BCAS3: variants seen among roughly 807,000 people sequenced by gnomAD.
BCAS3 encodes the protein BCAS4/BCAS3 fusion.
A neutral mutation model predicts 116.1 loss-of-function variants in BCAS3; 53 were observed. The ratio of observed to expected loss-of-function variants is 0.46; its 90% CI spans 0.37 to 0.57. BCAS3 has a LOEUF of 0.57. BCAS3 is among the 20% of genes least tolerant of loss of function. The pLI is 0.00. For synonymous variants in BCAS3, 391 were observed against 408.2 expected, an observed-to-expected ratio of 0.96 and a Z score of 0.51; for missense variants, 917 against 1,165.4, an observed-to-expected ratio of 0.79 and a Z score of 3.10.
chr17:60,902,881 A>T (rs1316463182), intron 11 of BCAS3, among the ~76,000 whole-genome samples, 178 bp downstream of exon 11: 4 of 152,258 alleles, frequency 2.6e-5, no homozygotes, highest in African/African-American at 7.2e-5. Flanking sequence ...CATTTGGAAG[A>T]AGCTTTCCAT....
At chr17:60,765,444 T>C (rs571927829) in intron 6 of BCAS3, among the ~76,000 whole-genome samples, 2 of 152,282 alleles carry the variant, frequency 1.3e-5, no homozygotes, top group South Asian at 4.1e-4. Context: ...TCTCCTTCAC[T>C]TATGAAGCTT....
At chr17:60,833,132 G>T (rs1297061427) in intron 7 of BCAS3, among the ~76,000 whole-genome samples, 1 of 152,112 alleles carries the variant, frequency 6.6e-6, no homozygotes, top group Admixed American at 6.5e-5. Flanking sequence ...CTGCCAAACA[G>T]CTGGGATTAC....
rs191306528 is a variant in BCAS3 at position 61,377,562 on chromosome 17, G to A, written c.2593+9068G>A. ...CAATGGGGTAAACCTGTGACCCTGG[G>A]CAAGTGCCTTTCCCTCTCTGGGCCA... is the stretch of plus-strand genomic sequence containing the variant. On this transcript the variant is annotated intron_variant, in intron 23 of 23. Transcript: ENST00000407086. This position sits in a 1 kb window ranked among gnomAD's most constrained non-coding sequence, Gnocchi z 4.6. Among the ~76,000 whole-genome samples the A allele has an allele frequency of 4.9e-3, 749 of 152,312 alleles. 9 individuals are homozygous for A. Among genetic ancestry groups the A allele is most frequent in the African/African-American group, 0.017 (724 of 41,568 alleles).
rs936648049 is a variant in BCAS3 at position 61,363,166 on chromosome 17, G to T, written c.2426-5161G>T. Among the ~76,000 whole-genome samples the T allele has an allele frequency of 2.6e-5, 4 of 152,192 alleles. No individual in the cohort carries two copies. The highest frequency in any genetic ancestry group is 2.0e-4 in the Admixed American group (3 of 15,278). On this transcript the variant is annotated intron_variant, in intron 22 of 23. Coordinates refer to ENST00000407086, the MANE Select transcript of BCAS3 (RefSeq NM_017679.5). The surrounding 1 kb of genome is among the most constrained non-coding windows in gnomAD (Gnocchi z 4.9). ...ACAGGAATGATCTAATTAACCTGGG[G>T]TCCACAGGTGGGTTTCAGAGGCATC...
Position 61,368,342 on chromosome 17 carries a change from G to C in BCAS3, c.2441G>C (p.Ser814Thr). ...IDAASGTFDR[S>T]VTLLEVCGSW... ...TGTGCCACAGGTACCTTTGACAGGAGCGTGACCCTGCTGGAGGTGTGCGGG... is the reference window on the plus strand; with the variant it reads ...TGTGCCACAGGTACCTTTGACAGGACCGTGACCCTGCTGGAGGTGTGCGGG... Residue 814 changes from serine (S) to threonine (T), a missense_variant, in exon 23 of 24, where the codon AGC (serine) becomes ACC (threonine). Physicochemically the swap from Ser to Thr is moderately conservative, Grantham distance 58 (BLOSUM62 1). Around this residue, in one of 3 missense-constraint regions of BCAS3, gnomAD observed 807 missense variants for 1,026.0 expected, o/e 0.79. Transcript: ENST00000407086. The surrounding 1 kb of genome is among the most constrained non-coding windows in gnomAD (Gnocchi z 6.0). 1 of 1,602,644 alleles carries C rather than the reference G, an allele frequency of 6.2e-7. No homozygotes were observed.
chr17:60,853,931 A>G (rs2053417875), intron 7 of BCAS3, among the ~76,000 whole-genome samples: 1 of 151,926 alleles, frequency 6.6e-6, no homozygotes, highest in Admixed American at 6.6e-5. Context: ...TTTAAGTTCT[A>G]GGGTACATGT....
intron 9 of BCAS3, among the ~76,000 whole-genome samples, chr17:60,879,967 T>G (rs2055963254): frequency 6.6e-6 from 1 of 152,240 alleles, no homozygotes; most frequent in Non-Finnish European, 1.5e-5. Context: ...TCTTTGTTTT[T>G]CTGAGTTCTC....
At chr17:60,866,988 A>G (rs1489401091) in intron 7 of BCAS3, among the ~76,000 whole-genome samples, 1 of 152,018 alleles carries the variant, frequency 6.6e-6, no homozygotes, top group African/African-American at 2.4e-5. Context: ...ATTATGTGGA[A>G]TGCATTTCCA....
intron 5 of BCAS3, among the ~76,000 whole-genome samples, chr17:60,721,842 T>C (rs984990068): frequency 1.3e-5 from 2 of 152,182 alleles, no homozygotes; most frequent in African/African-American, 4.8e-5. Flanking sequence ...TTGTGCCACT[T>C]CCTTGGCAGT....
Position 61,078,367 on chromosome 17 carries a change from G to A in BCAS3, c.2165G>A (p.Arg722His), listed in dbSNP as rs781695048. 1.9e-5 allele frequency: 31 copies of A among 1,613,900 alleles called. No individual in the cohort carries two copies. Among genetic ancestry groups the A allele is most frequent in the Admixed American group, 8.3e-5 (5 of 59,996 alleles). The change falls in exon 21 of 24, where the codon CGT becomes CAT. Residue 722 changes from arginine to histidine, a missense_variant. Transcript: ENST00000407086. ...GTAACACACACTGGACCCCATAGAC[G>A]TCTGTGGATGGGTCCACAGTTCCAG... Reference protein sequence around the residue: ...EIVTHTGPHRRLWMGPQFQFK... With the variant: ...EIVTHTGPHRHLWMGPQFQFK...
rs2063457799 is a variant in BCAS3, at chr17:60,990,519, C to G, written c.1486+284C>G. On this transcript the variant is annotated intron_variant, in intron 15 of 23. Transcript: ENST00000407086. The surrounding 1 kb of genome is among the most constrained non-coding windows in gnomAD (Gnocchi z 5.1). ...GAACTATTTTTATAACTTCAGAGAA[C>G]TGAACATCCTTTTTACTTATCTCTT... Among the ~76,000 whole-genome samples the G allele has an allele frequency of 6.6e-6, 1 of 152,104 alleles. No homozygotes were observed. Among genetic ancestry groups the G allele is most frequent in the African/African-American group, 2.4e-5 (1 of 41,416 alleles).
chr17:61,357,245 AAAAT>A lies in BCAS3; in HGVS notation c.2426-11061_2426-11058del, dbSNP rs142837090. 6.2e-3 allele frequency among the ~76,000 whole-genome samples: 859 copies of A among 139,626 alleles called. 7 individuals are homozygous for A. Among genetic ancestry groups the A allele is most frequent in the South Asian group, 0.02 (90 of 4,596 alleles). 91.6% of individuals were successfully genotyped at this position (139,626 alleles called of 152,430 possible). A position where few individuals can be genotyped will look rare whatever the true frequency, so the allele number is the denominator to read the frequency against. On this transcript the variant is annotated intron_variant, in intron 22 of 23. Coordinates refer to ENST00000407086, the MANE Select transcript of BCAS3 (RefSeq NM_017679.5). ...AACGAACAAGACTCCATATCTACAAAAAATAAATAAATAAATAAATAAATTAATT... is the reference window on the plus strand; with the variant it reads ...AACGAACAAGACTCCATATCTACAAAAAATAAATAAATAAATAAATTAATT...
intron 6 of BCAS3, among the ~76,000 whole-genome samples, chr17:60,750,904 A>C (rs1161077877): frequency 6.6e-6 from 1 of 152,088 alleles, no homozygotes; most frequent in African/African-American, 2.4e-5. Flanking sequence ...ATGTTCTTTA[A>C]TTGTTCATTT....
At chr17:61,116,216 A>G (rs986791291) in intron 22 of BCAS3, among the ~76,000 whole-genome samples, 5 of 151,832 alleles carry the variant, frequency 3.3e-5, no homozygotes, top group African/African-American at 9.7e-5. Flanking sequence ...CAATGTGCGC[A>G]TGTACCCTAA....
At chr17:60,917,904 A>G (rs868791166) in intron 12 of BCAS3, among the ~76,000 whole-genome samples, 5 of 152,266 alleles carry the variant, frequency 3.3e-5, no homozygotes, top group Middle Eastern at 3.4e-3. Context: ...CCTTTCGCCA[A>G]TTTTGAATAA....
At chr17:60,947,877 A>C (rs1278886379) in intron 14 of BCAS3, among the ~76,000 whole-genome samples, 1 of 152,142 alleles carries the variant, frequency 6.6e-6, no homozygotes, top group Non-Finnish European at 1.5e-5. Flanking sequence ...ATTGCGTGAA[A>C]TCACCCATGT....
At chr17:61,036,634 C>T (rs2067056935) in intron 17 of BCAS3, among the ~76,000 whole-genome samples, 1 of 152,084 alleles carries the variant, frequency 6.6e-6, no homozygotes, top group South Asian at 2.1e-4. Context: ...ATTGATTCGC[C>T]TGACACAGAG....
At chr17:61,252,578 C>CT in intron 22 of BCAS3, among the ~76,000 whole-genome samples, 1 of 56,596 alleles carries the variant, frequency 1.8e-5, no homozygotes. Flanking sequence ...AAGTGAAGGA[C>CT]TTAAAAAAAA....
In BCAS3 at chr17:61,364,069, A is replaced by G. The variant is rs1447493939; in HGVS notation, c.2426-4258A>G. On this transcript the variant is annotated intron_variant, in intron 22 of 23. Coordinates refer to ENST00000407086, the MANE Select transcript of BCAS3 (RefSeq NM_017679.5). This position sits in a 1 kb window ranked among gnomAD's most constrained non-coding sequence, Gnocchi z 5.4. ...TGTGGAAGGGAAAGAGACAGCGGGT[A>G]TGGCAGAGCCTCTGATGGGACTCCT... is the stretch of plus-strand genomic sequence containing the variant. 1.3e-5 allele frequency among the ~76,000 whole-genome samples: 2 copies of G among 152,154 alleles called. No individual in the cohort carries two copies. The highest frequency in any genetic ancestry group is 6.5e-5 in the Admixed American group (1 of 15,276).
Sources: gnomAD v4.1 joint callset for allele counts (sites outside exome capture counted in the v4.1 genomes callset) on GRCh38, gnomAD v4.1.1 for gene constraint, gnomAD v4.1.1 regional missense constraint, Gnocchi (gnomAD v3.1) non-coding constraint, MANE v1.5 for transcripts, NCBI Gene and HGNC (gene_info 2026-07-23, HGNC 2026-07-21) for gene names.